NRXN1: variants seen among roughly 807,000 people sequenced by gnomAD.
NRXN1 encodes the protein neurexin-1.
A neutral mutation model predicts 150.9 loss-of-function variants in NRXN1; 39 were observed. That is an observed-to-expected ratio of 0.26 (90% CI 0.20 to 0.34). NRXN1 has a LOEUF of 0.34. Among genes scored for constraint, NRXN1 ranks in the 10% least tolerant of loss-of-function variants. The pLI is 1.00. For synonymous variants in NRXN1, 924 were observed against 757.0 expected, an observed-to-expected ratio of 1.22 and a Z score of -3.62; for missense variants, 1,815 against 1,949.9, an observed-to-expected ratio of 0.93 and a Z score of 1.30.
intron 18 of NRXN1, chr2:50,105,295 A>T (rs1440707785): frequency 6.6e-6 from 1 of 152,040 alleles, no homozygotes; most frequent in Non-Finnish European, 1.5e-5. Flanking sequence ...AGTAAGTGAA[A>T]TATTAATCTC....
rs984117868 is a variant in NRXN1, at chr2:50,329,919, G to A, written c.3365-92949C>T. Among the ~76,000 whole-genome samples the A allele has an allele frequency of 6.6e-5, 10 of 151,052 alleles. No individual in the cohort carries two copies. The East Asian group carries it at 1.4e-3, about 21-fold the overall frequency. ...GAAATCCTGACCTCGTGACCCACCC[G>A]CCTCGGCCTCCAAAAGTGCTGGGAT... On this transcript the variant is annotated intron_variant, in intron 17 of 22. Transcript: ENST00000401669.
At chr2:50,436,008 TAA>T (rs935611029) in intron 17 of NRXN1, among the ~76,000 whole-genome samples, 6 of 152,078 alleles carry the variant, frequency 3.9e-5, no homozygotes, top group Non-Finnish European at 7.4e-5. Flanking sequence ...ATTTTACATA[TAA>T]CTAACATAAG....
intron 8 of NRXN1, among the ~76,000 whole-genome samples, chr2:50,584,061 C>T (rs1334276287): frequency 6.6e-6 from 1 of 152,062 alleles, no homozygotes; most frequent in Non-Finnish European, 1.5e-5. Flanking sequence ...AAAAAGTCTA[C>T]CCAGTATACT....
At chr2:50,636,929 T>C (rs1349111414) in intron 5 of NRXN1, among the ~76,000 whole-genome samples, 1 of 152,188 alleles carries the variant, frequency 6.6e-6, no homozygotes, top group African/African-American at 2.4e-5. Flanking sequence ...TATTATATAC[T>C]ATAAGTCTTA....
At chr2:50,748,109 A>C (rs1177766069) in intron 5 of NRXN1, among the ~76,000 whole-genome samples, 1 of 152,200 alleles carries the variant, frequency 6.6e-6, no homozygotes, top group Non-Finnish European at 1.5e-5. Flanking sequence ...GTATAGACGA[A>C]GAAACAGAGG....
chr2:50,706,910 G>T (rs1299573300), intron 5 of NRXN1, among the ~76,000 whole-genome samples: 1 of 150,734 alleles, frequency 6.6e-6, no homozygotes, highest in African/African-American at 2.4e-5. Context: ...AAGCCTTCTA[G>T]TTTTCCTTGT....
chr2:50,308,728 C>T (rs950949503), intron 17 of NRXN1, among the ~76,000 whole-genome samples: 1 of 152,102 alleles, frequency 6.6e-6, no homozygotes, highest in Non-Finnish European at 1.5e-5. Flanking sequence ...CGGCTTATTT[C>T]ACTTAGTGTT....
intron 17 of NRXN1, among the ~76,000 whole-genome samples, chr2:50,320,857 T>C (rs1326024220): frequency 1.3e-5 from 2 of 152,164 alleles, no homozygotes; most frequent in East Asian, 1.9e-4. Context: ...GTGCATTGAA[T>C]GCCATCTGAT....
chr2:50,480,342 G>A (rs191818062), intron 15 of NRXN1, among the ~76,000 whole-genome samples: 1 of 152,218 alleles, frequency 6.6e-6, no homozygotes, highest in East Asian at 1.9e-4. Flanking sequence ...AAAATCTTTG[G>A]AGGAAATTAA....
intron 5 of NRXN1, among the ~76,000 whole-genome samples, chr2:50,742,066 TA>T (rs1358298252): frequency 6.6e-6 from 1 of 152,104 alleles, no homozygotes; most frequent in Admixed American, 6.5e-5. Context: ...AAAAGAAATA[TA>T]GGTGGTTTAT....
intron 21 of NRXN1, among the ~76,000 whole-genome samples, chr2:50,026,751 C>G (rs535944967): frequency 1.3e-5 from 2 of 150,900 alleles, no homozygotes; most frequent in Admixed American, 1.3e-4. Flanking sequence ...ATATATCACC[C>G]GAAAATGAAG....
rs574972625 is a variant in NRXN1, at chr2:50,594,010, T to C, written c.1320+26012A>G. Among the ~76,000 whole-genome samples the C allele has an allele frequency of 8.5e-5, 13 of 152,338 alleles. No individual in the cohort carries two copies. The South Asian group carries it at 1.2e-3, about 15-fold the overall frequency. ...TCTGAAACAATGATATAAACAAATT[T>C]GATTTTGCTTGGCACTTCTCCTTCC... is the stretch of plus-strand genomic sequence containing the variant. On this transcript the variant is annotated intron_variant, in intron 8 of 22. Coordinates refer to ENST00000401669, the MANE Select transcript of NRXN1 (RefSeq NM_001330078.2).
At chr2:51,013,722 A>C (rs1668250702) in intron 2 of NRXN1, among the ~76,000 whole-genome samples, 1 of 151,994 alleles carries the variant, frequency 6.6e-6, no homozygotes, top group Admixed American at 6.6e-5. Flanking sequence ...TTCACCCACC[A>C]CTTCTGCTGA....
Position 50,019,397 on chromosome 2 carries a change from C to T in NRXN1, c.4128+33874G>A, listed in dbSNP as rs1049050981. 4 of 456,202 alleles carry T rather than the reference C, an allele frequency of 8.8e-6. No homozygotes were observed. In the East Asian group the frequency reaches 2.8e-4, roughly 32 times the overall value. 28.3% of individuals were successfully genotyped at this position (456,202 alleles called of 1,614,324 possible). A position where few individuals can be genotyped will look rare whatever the true frequency, so the allele number is the denominator to read the frequency against. On this transcript the variant is annotated intron_variant, in intron 21 of 22. Coordinates refer to ENST00000401669, the MANE Select transcript of NRXN1 (RefSeq NM_001330078.2). ...CGGTGGCTCACGCCTGTAATCCTAGCACTTTGGGAGGCCGAGGTGGGTGGA... is the reference window on the plus strand; with the variant it reads ...CGGTGGCTCACGCCTGTAATCCTAGTACTTTGGGAGGCCGAGGTGGGTGGA...
chr2:50,996,848 A>C (rs1699372334), intron 2 of NRXN1, among the ~76,000 whole-genome samples: 1 of 152,130 alleles, frequency 6.6e-6, no homozygotes, highest in East Asian at 2.0e-4. Context: ...CCTTTACATT[A>C]GGATTCTTCA....
intron 21 of NRXN1, among the ~76,000 whole-genome samples, chr2:49,993,736 C>T (rs145736872): frequency 2.5e-4 from 38 of 152,190 alleles, no homozygotes; most frequent in African/African-American, 8.7e-4. Flanking sequence ...AATTAAAAGA[C>T]ATTTAGAAAT....
At chr2:50,012,650 G>C (rs1188973383) in intron 21 of NRXN1, among the ~76,000 whole-genome samples, 3 of 152,070 alleles carry the variant, frequency 2.0e-5, no homozygotes, top group Non-Finnish European at 4.4e-5. Context: ...TGCCATAACA[G>C]TATATCCAAA....
chr2:50,937,223 T>A (rs1422039761), intron 2 of NRXN1, among the ~76,000 whole-genome samples: 3 of 152,172 alleles, frequency 2.0e-5, no homozygotes, highest in African/African-American at 7.2e-5. Flanking sequence ...TTAGCCATTA[T>A]ATTATTATAA....
At chr2:50,472,236 T>A (rs2089549195) in intron 16 of NRXN1, 62 bp downstream of exon 16, 1 of 1,366,628 alleles carries the variant, frequency 7.3e-7, no homozygotes, top group African/African-American at 1.5e-5. Flanking sequence ...ACAGTGAGAT[T>A]CACTCTCAGT....
Sources: gnomAD v4.1 joint callset for allele counts (sites outside exome capture counted in the v4.1 genomes callset) on GRCh38, gnomAD v4.1.1 for gene constraint, MANE v1.5 for transcripts, NCBI Gene and HGNC (gene_info 2026-07-23, HGNC 2026-07-21) for gene names.